The following KCMF1 variants were observed in gnomAD, a reference collection of about 807,000 sequenced individuals.
The protein encoded by KCMF1 is potassium channel modulatory factor 1.
In KCMF1, 3 loss-of-function variants were observed where a neutral mutation model predicts 41.1. The observed-to-expected ratio is 0.07, with a 90% CI of 0.03 to 0.19. The LOEUF (loss-of-function observed/expected upper bound fraction) is 0.19. Ranked by LOEUF, KCMF1 falls within the 10% of genes least tolerant of loss-of-function variation. The pLI, the probability that KCMF1 is intolerant of heterozygous loss-of-function variation, is 1.00. For synonymous variants in KCMF1, 142 were observed against 164.5 expected (o/e 0.86, Z 1.04); for missense variants, 286 against 488.9 (o/e 0.58, Z 3.91).
Position 85,027,902 on chromosome 2 carries a change from T to C in KCMF1, c.30T>C (p.Asp10=), listed in dbSNP as rs1428771007. 3.1e-6 allele frequency: 5 copies of C among 1,608,194 alleles called. No individual in the cohort carries two copies. Among genetic ancestry groups the C allele is most frequent in the Non-Finnish European group, 4.2e-6 (5 of 1,177,024 alleles). Residue 10 remains aspartate (D), a synonymous_variant, in exon 2 of 7, where the codon GAT becomes GAC. Transcript: ENST00000409785. MSRHEGVSC[D]ACLKGNFRGR... is the part of the protein sequence containing the mutation. ...TTTTTTTTATAGGTGTCAGCTGTGA[T>C]GCATGTTTAAAAGGAAATTTTCGAG... is the stretch of plus-strand genomic sequence containing the variant.
At chr2:84,983,971 A>C (rs1465085160) in intron 1 of KCMF1, among the ~76,000 whole-genome samples, 1 of 152,210 alleles carries the variant, frequency 6.6e-6, no homozygotes, top group Non-Finnish European at 1.5e-5. Context: ...TTTTACATTC[A>C]TCATATTTTA....
At chr2:85,052,995 A>G (rs1252274036) in intron 6 of KCMF1, among the ~76,000 whole-genome samples, 153 bp from the exon 7 acceptor site, 1 of 152,220 alleles carries the variant, frequency 6.6e-6, no homozygotes, top group Non-Finnish European at 1.5e-5. Context: ...TCTCAACACA[A>G]TTAAGGATAA....
At chr2:84,983,091 C>T (rs1022702208) in intron 1 of KCMF1, among the ~76,000 whole-genome samples, 1 of 152,114 alleles carries the variant, frequency 6.6e-6, no homozygotes, top group East Asian at 1.9e-4. Flanking sequence ...TTTTTAAAAG[C>T]CACCATTGGA....
At chr2:85,033,511 GTCAT>G (rs1470739152) in intron 2 of KCMF1, among the ~76,000 whole-genome samples, 1 of 152,176 alleles carries the variant, frequency 6.6e-6, no homozygotes, top group East Asian at 1.9e-4. Context: ...CCTCAGCTGT[GTCAT>G]AACATGGCAG....
chr2:85,032,340 TTTTTTATTTTTA>T (rs1410217909), intron 2 of KCMF1, among the ~76,000 whole-genome samples: 1 of 151,544 alleles, frequency 6.6e-6, no homozygotes, highest in Non-Finnish European at 1.5e-5. Context: ...TCTGGCTAAT[TTTTTTATTTTTA>T]TTTTTATTTT....
At chr2:85,046,354 G>T (rs1233928334) in intron 5 of KCMF1, 76 bp downstream of exon 5, 12 of 1,169,916 alleles carry the variant, frequency 1.0e-5, no homozygotes, top group Non-Finnish European at 4.9e-6. Flanking sequence ...GTGATGCCAG[G>T]TGCGGTGGCT....
intron 1 of KCMF1, among the ~76,000 whole-genome samples, chr2:84,981,258 C>G (rs549243459): frequency 6.6e-6 from 1 of 150,884 alleles, no homozygotes; most frequent in African/African-American, 2.4e-5. Flanking sequence ...GGTGCAATCT[C>G]GGCTCACTGC....
At chr2:84,995,083 G>A (rs913604392) in intron 1 of KCMF1, among the ~76,000 whole-genome samples, 1 of 151,036 alleles carries the variant, frequency 6.6e-6, no homozygotes, top group Non-Finnish European at 1.5e-5. Context: ...GTGCAGTGGT[G>A]CGATCTTGGC....
At chr2:85,022,163 CAACA>C (rs748693993) in intron 1 of KCMF1, among the ~76,000 whole-genome samples, 15 of 151,884 alleles carry the variant, frequency 9.9e-5, no homozygotes, top group Non-Finnish European at 1.6e-4. Flanking sequence ...CATATTCATT[CAACA>C]AACAATAAGA....
intron 1 of KCMF1, among the ~76,000 whole-genome samples, chr2:84,989,349 C>T (rs2103975178): frequency 6.6e-6 from 1 of 152,194 alleles, no homozygotes; most frequent in South Asian, 2.1e-4. Flanking sequence ...TGATGGATTG[C>T]CAGGCTTGTG....
intron 1 of KCMF1, among the ~76,000 whole-genome samples, chr2:85,017,229 T>A (rs1674795381): frequency 6.6e-6 from 1 of 151,836 alleles, no homozygotes; most frequent in South Asian, 2.1e-4. Context: ...GGTTTCACCT[T>A]GTTAGCCAGG....
intron 3 of KCMF1, among the ~76,000 whole-genome samples, chr2:85,038,985 G>A (rs781079581): frequency 6.6e-6 from 1 of 152,224 alleles, no homozygotes. Context: ...CTCCCAAAGT[G>A]TTGGGGTTAC....
At chr2:85,004,077 CCT>C (rs1674404557) in intron 1 of KCMF1, among the ~76,000 whole-genome samples, 1 of 152,166 alleles carries the variant, frequency 6.6e-6, no homozygotes, top group Non-Finnish European at 1.5e-5. Flanking sequence ...GGATGATTCA[CCT>C]CCGAGTGGGA....
intron 1 of KCMF1, among the ~76,000 whole-genome samples, chr2:85,005,334 G>T (rs1483801517): frequency 1.3e-5 from 2 of 151,248 alleles, no homozygotes; most frequent in Non-Finnish European, 2.9e-5. Flanking sequence ...TGTCTCCCAG[G>T]CTGGAGTGCA....
intron 1 of KCMF1, among the ~76,000 whole-genome samples, chr2:84,978,476 A>G (rs901955659): frequency 6.7e-6 from 1 of 150,218 alleles, no homozygotes; most frequent in Non-Finnish European, 1.5e-5. Flanking sequence ...ATATTTGCCT[A>G]GGTTTTTTGT....
chr2:84,986,376 G>T (rs1255037028), intron 1 of KCMF1, among the ~76,000 whole-genome samples: 1 of 152,168 alleles, frequency 6.6e-6, no homozygotes, highest in African/African-American at 2.4e-5. Flanking sequence ...CCTTAGGGTG[G>T]CATTTAAACT....
At chr2:85,017,331 A>C (rs1035943056) in intron 1 of KCMF1, among the ~76,000 whole-genome samples, 2 of 152,168 alleles carry the variant, frequency 1.3e-5, no homozygotes, top group African/African-American at 4.8e-5. Context: ...CGGCCATCTA[A>C]GATCCTCTTC....
intron 1 of KCMF1, among the ~76,000 whole-genome samples, chr2:84,995,384 A>G (rs1674151667): frequency 6.6e-6 from 1 of 152,162 alleles, no homozygotes; most frequent in Admixed American, 6.5e-5. Context: ...TATCAGTTCT[A>G]GAGTCTTGAT....
At chr2:84,977,584 T>C (rs1431866622) in intron 1 of KCMF1, among the ~76,000 whole-genome samples, 3 of 144,344 alleles carry the variant, frequency 2.1e-5, no homozygotes, top group African/African-American at 7.6e-5. Context: ...CACACCCGAC[T>C]TTTTTTTTTT....
Sources: gnomAD v4.1 joint callset for allele counts (sites outside exome capture counted in the v4.1 genomes callset) on GRCh38, gnomAD v4.1.1 for gene constraint, MANE v1.5 for transcripts, NCBI Gene and HGNC (gene_info 2026-07-23, HGNC 2026-07-21) for gene names.